Variants in ST18 observed in about 807,000 individuals in gnomAD.
ST18 encodes the protein suppression of tumorigenicity 18 protein.
A neutral mutation model predicts 110.0 loss-of-function variants in ST18; 50 were observed. The observed-to-expected ratio is 0.45, with a 90% CI of 0.36 to 0.58. The LOEUF is 0.58. Ranked by LOEUF, ST18 falls within the 20% of genes least tolerant of loss-of-function variation. The pLI, the probability that ST18 is intolerant of heterozygous loss-of-function variation, is 0.00. For synonymous variants in ST18, 461 were observed against 452.4 expected (o/e 1.02, Z -0.24); for missense variants, 1,306 against 1,280.1 (o/e 1.02, Z -0.31).
Position 52,369,460 on chromosome 8 carries a change from C to T in ST18, c.-465+39868G>A, listed in dbSNP as rs117262964. On this transcript the variant is annotated intron_variant, in intron 2 of 25. Coordinates refer to ENST00000689386, the MANE Select transcript of ST18 (RefSeq NM_001352837.2). ...GGTACTGTGTTGATGAGGGCAAAACCCTTGGTATTATTGAGCAAAAAGATT... is the reference window on the plus strand; with the variant it reads ...GGTACTGTGTTGATGAGGGCAAAACTCTTGGTATTATTGAGCAAAAAGATT... Among the ~76,000 whole-genome samples, 1,302 of 152,256 alleles carry T rather than the reference C, an allele frequency of 8.6e-3. 13 individuals carry two copies. The highest frequency in any genetic ancestry group is 0.011 in the Non-Finnish European group (780 of 68,030).
intron 8 of ST18, among the ~76,000 whole-genome samples, chr8:52,186,513 A>G (rs541508587): frequency 6.6e-6 from 1 of 152,342 alleles, no homozygotes; most frequent in East Asian, 1.9e-4. Context: ...AACAGTATCT[A>G]CTAAAGGTGA....
intron 2 of ST18, chr8:52,404,598 C>T (rs4489337): frequency 0.22 from 32,851 of 152,116 alleles, 3,840 homozygotes; most frequent in South Asian, 0.3. Context: ...AGGTGCAAAG[C>T]GGAGGTGTGG....
chr8:52,209,740 A>T (rs1031401635), intron 8 of ST18, among the ~76,000 whole-genome samples: 16 of 142,102 alleles, frequency 1.1e-4, no homozygotes, highest in African/African-American at 4.2e-4. Context: ...ATTGCACTCC[A>T]GCTTGGGCAA....
At chr8:52,143,401 C>A (rs992304460) in intron 16 of ST18, among the ~76,000 whole-genome samples, 3 of 152,006 alleles carry the variant, frequency 2.0e-5, no homozygotes, top group Admixed American at 6.5e-5. Flanking sequence ...AGGAGAATTG[C>A]GTGAACCCGG....
rs1340180049 is a variant in ST18 at position 52,174,647 on chromosome 8, A to G, written c.278-2064T>C. Among the ~76,000 whole-genome samples the G allele has an allele frequency of 2.0e-5, 3 of 152,214 alleles. No individual in the cohort carries two copies. The East Asian group carries it at 5.8e-4, about 29-fold the overall frequency. On this transcript the variant is annotated intron_variant, in intron 9 of 25. Coordinates refer to ENST00000689386, the MANE Select transcript of ST18 (RefSeq NM_001352837.2). ...AATGCATTTCACTGTGCTGCTGCCA[A>G]CTGCTCGCATTTTGGGTCATTTCCA...
intron 2 of ST18, among the ~76,000 whole-genome samples, chr8:52,233,964 T>G (rs561562180): frequency 2.9e-4 from 44 of 152,172 alleles, no homozygotes; most frequent in Admixed American, 5.9e-4. Context: ...CTTGCCTAAC[T>G]GAAACATTGC....
chr8:52,143,713 G>A (rs1331431100), intron 16 of ST18, among the ~76,000 whole-genome samples: 1 of 152,092 alleles, frequency 6.6e-6, no homozygotes, highest in Non-Finnish European at 1.5e-5. Flanking sequence ...AGAGAGCACA[G>A]GAATTGTTTA....
chr8:52,285,014 A>G (rs2139225722), intron 2 of ST18, among the ~76,000 whole-genome samples: 1 of 152,338 alleles, frequency 6.6e-6, no homozygotes, highest in East Asian at 1.9e-4. Flanking sequence ...GGACATTCCT[A>G]ACTATACGAG....
intron 4 of ST18, 40 bp from the exon 5 acceptor site, chr8:52,220,888 C>A (rs1211258469): frequency 6.6e-6 from 1 of 152,060 alleles, no homozygotes; most frequent in African/African-American, 2.4e-5. Context: ...GCATATCAGG[C>A]TGGACAAATA....
intron 10 of ST18, among the ~76,000 whole-genome samples, chr8:52,168,121 T>A (rs78851997): frequency 1.1e-3 from 161 of 151,078 alleles, no homozygotes; most frequent in African/African-American, 3.8e-3. Flanking sequence ...GGGGAGAGCC[T>A]GTCCCACGGC....
intron 9 of ST18, among the ~76,000 whole-genome samples, chr8:52,177,655 T>C (rs1343045702): frequency 1.3e-5 from 2 of 152,250 alleles, no homozygotes; most frequent in Non-Finnish European, 2.9e-5. Context: ...TGTAGGAACT[T>C]TGACCATTCT....
intron 3 of ST18, among the ~76,000 whole-genome samples, chr8:52,225,734 A>G (rs940893621): frequency 1.3e-5 from 2 of 152,238 alleles, no homozygotes; most frequent in African/African-American, 2.4e-5. Flanking sequence ...ATCTCTGCAT[A>G]ATAAACTGTA....
intron 7 of ST18, 52 bp from the exon 8 acceptor site, chr8:52,212,161 A>G: frequency 6.4e-7 from 1 of 1,554,786 alleles, no homozygotes; most frequent in Non-Finnish European, 8.7e-7. Flanking sequence ...ATAATTTTCA[A>G]AACTGTATAA....
intron 2 of ST18, among the ~76,000 whole-genome samples, chr8:52,353,782 G>A (rs1391030384): frequency 6.6e-6 from 1 of 152,186 alleles, no homozygotes; most frequent in Non-Finnish European, 1.5e-5. Flanking sequence ...CCGACCAAAA[G>A]GAAATGTTCA....
At chr8:52,142,107 C>T (rs1188755898) in intron 17 of ST18, among the ~76,000 whole-genome samples, 1 of 152,076 alleles carries the variant, frequency 6.6e-6, no homozygotes, top group Non-Finnish European at 1.5e-5. Flanking sequence ...GCTCCAGGAC[C>T]AAGTTTCTGA....
At chr8:52,267,331 C>T (rs1006530763) in intron 2 of ST18, among the ~76,000 whole-genome samples, 3 of 151,654 alleles carry the variant, frequency 2.0e-5, no homozygotes, top group Non-Finnish European at 2.9e-5. Context: ...TGTAGGAGTA[C>T]GCAGGAACCA....
chr8:52,264,300 A>T (rs186413393), intron 2 of ST18, among the ~76,000 whole-genome samples: 1 of 152,290 alleles, frequency 6.6e-6, no homozygotes, highest in Non-Finnish European at 1.5e-5. Flanking sequence ...CTTCTTATCA[A>T]TGAATCTAGT....
intron 2 of ST18, among the ~76,000 whole-genome samples, chr8:52,358,487 T>C (rs1446868711): frequency 6.6e-6 from 1 of 151,832 alleles, no homozygotes; most frequent in African/African-American, 2.4e-5. Flanking sequence ...AAGACTCAAA[T>C]TACTAAAACC....
chr8:52,350,327 G>A (rs1378752714), intron 2 of ST18, among the ~76,000 whole-genome samples: 3 of 152,146 alleles, frequency 2.0e-5, no homozygotes, highest in African/African-American at 7.2e-5. Flanking sequence ...AAAAATCTGA[G>A]GGGAAATACA....
Sources: allele counts gnomAD v4.1 joint callset (sites outside exome capture counted in the v4.1 genomes callset), GRCh38; gene constraint gnomAD v4.1.1; transcripts MANE v1.5; gene names NCBI Gene and HGNC (gene_info 2026-07-23, HGNC 2026-07-21).